Variants in METTL16 observed in about 807,000 individuals in gnomAD.
The protein encoded by METTL16 is methyltransferase 16, RNA N6-adenosine.
Under a neutral mutation model 57.9 loss-of-function variants are expected in METTL16, and 19 were observed. The observed-to-expected ratio is 0.33, with a 90% confidence interval of 0.23 to 0.48. The LOEUF (loss-of-function observed/expected upper bound fraction) is 0.48, where lower values mean the gene tolerates loss of function less well. Among genes scored for constraint, METTL16 ranks in the 20% least tolerant of loss-of-function variants. METTL16 has a pLI of 0.99. For synonymous variants in METTL16, 246 were observed against 255.6 expected (o/e 0.96, Z 0.36); for missense variants, 434 against 691.5 (o/e 0.63, Z 4.18).
In METTL16 at chr17:2,477,708, A is replaced by T; in HGVS notation, c.306T>A (p.Thr102=). 6.2e-7 allele frequency: 1 copy of T among 1,613,558 alleles called. No homozygotes were observed. Among genetic ancestry groups the T allele is most frequent in the Non-Finnish European group, 8.5e-7 (1 of 1,179,456 alleles). The change falls in exon 3 of 10, where the codon ACT becomes ACA. Residue 102 remains threonine, a synonymous_variant. Transcript: ENST00000263092. ...TACCTATGTCAATTCCTCTTCGGAG[A>T]GTACTTTTGTCAGAATCCTGGTGAC... ...LIGHQDSDKS[T]LRRGIDIGTG... is the part of the protein sequence containing the mutation.
intron 6 of METTL16, among the ~76,000 whole-genome samples, chr17:2,452,243 C>G (rs750863198): frequency 1.9e-4 from 28 of 151,314 alleles, no homozygotes; most frequent in Non-Finnish European, 3.8e-4. Flanking sequence ...GCCATTGATA[C>G]TTAATAGACA....
At chr17:2,475,734 T>C (rs1025166909) in intron 3 of METTL16, among the ~76,000 whole-genome samples, 1 of 152,224 alleles carries the variant, frequency 6.6e-6, no homozygotes, top group African/African-American at 2.4e-5. Flanking sequence ...AAATGGAAAG[T>C]ACATAATGGT....
chr17:2,505,483 A>C (rs993815546), intron 1 of METTL16, among the ~76,000 whole-genome samples: 3 of 139,086 alleles, frequency 2.2e-5, no homozygotes, highest in African/African-American at 8.1e-5. Flanking sequence ...TCCTGGCCTC[A>C]AGCAATCCTG....
At chr17:2,438,599 T>G (rs560331289) in intron 7 of METTL16, among the ~76,000 whole-genome samples, 1 of 152,236 alleles carries the variant, frequency 6.6e-6, no homozygotes, top group African/African-American at 2.4e-5. Flanking sequence ...CCTCCCAGAT[T>G]CAAGCAATTC....
At chr17:2,492,332 C>A (rs1322570536) in intron 2 of METTL16, among the ~76,000 whole-genome samples, 1 of 152,112 alleles carries the variant, frequency 6.6e-6, no homozygotes, top group Non-Finnish European at 1.5e-5. Context: ...TGTGAAAAAA[C>A]ACAAACTAAA....
intron 6 of METTL16, among the ~76,000 whole-genome samples, chr17:2,453,390 A>G (rs866435766): frequency 3.3e-5 from 5 of 152,100 alleles, no homozygotes; most frequent in Middle Eastern, 6.8e-3. Flanking sequence ...TACTCTCATG[A>G]CCTTAATGTT....
chr17:2,511,819 T>G lies in METTL16; in HGVS notation c.-61A>C, dbSNP rs1432691806. 2.5e-6 allele frequency: 1 copy of G among 398,436 alleles called. No individual in the cohort carries two copies. The highest frequency in any genetic ancestry group is 4.4e-5 in the Admixed American group (1 of 22,702). The allele number at this position is 398,436 out of a possible 1,614,324, so 24.7% of individuals were successfully genotyped here. ...GGCGTGGGCCTGTACAACCCTAGAA[T>G]CTTAAAGCAGCCGCATAGCGAAGCT... On this transcript the variant is annotated 5_prime_UTR_variant, in exon 1 of 10. Coordinates refer to ENST00000263092, the MANE Select transcript of METTL16 (RefSeq NM_024086.4).
At chr17:2,502,672 G>T (rs568781218) in intron 1 of METTL16, among the ~76,000 whole-genome samples, 2 of 151,730 alleles carry the variant, frequency 1.3e-5, no homozygotes, top group South Asian at 2.1e-4. Flanking sequence ...TGGGCAACAA[G>T]AGCGAAACTC....
intron 1 of METTL16, among the ~76,000 whole-genome samples, chr17:2,510,882 C>T (rs1251948116): frequency 2.6e-5 from 4 of 152,062 alleles, no homozygotes; most frequent in African/African-American, 9.7e-5. Flanking sequence ...CAGGCTCTAG[C>T]TTCAATTTTC....
intron 2 of METTL16, among the ~76,000 whole-genome samples, chr17:2,500,162 T>G (rs1177122981): frequency 6.6e-6 from 1 of 152,238 alleles, no homozygotes; most frequent in Non-Finnish European, 1.5e-5. Flanking sequence ...TATCTTGGCT[T>G]CCAGGTTAAG....
At chr17:2,455,931 C>T (rs867810666) in intron 6 of METTL16, among the ~76,000 whole-genome samples, 3 of 151,846 alleles carry the variant, frequency 2.0e-5, no homozygotes, top group African/African-American at 4.8e-5. Flanking sequence ...TGCAGTGAGC[C>T]GTGATCATGC....
chr17:2,471,471 C>G (rs770961634), intron 4 of METTL16, among the ~76,000 whole-genome samples: 1 of 152,172 alleles, frequency 6.6e-6, no homozygotes, highest in Non-Finnish European at 1.5e-5. Context: ...ATAATACCAA[C>G]AGTACTGTAT....
intron 6 of METTL16, among the ~76,000 whole-genome samples, chr17:2,457,254 C>T (rs1039158613): frequency 2.9e-4 from 40 of 139,736 alleles, no homozygotes; most frequent in East Asian, 4.4e-4. Context: ...AGGAGAATGG[C>T]GTGAACCTGG....
At chr17:2,432,151 C>T (rs992143719) in intron 8 of METTL16, among the ~76,000 whole-genome samples, 1 of 152,108 alleles carries the variant, frequency 6.6e-6, no homozygotes, top group South Asian at 2.1e-4. Flanking sequence ...AAGGTTTCAC[C>T]GTGTTAGCCA....
chr17:2,417,077 T>A lies in METTL16; in HGVS notation c.*2893A>T, dbSNP rs896999871. ...GGGTTCCTTTTTTTTTTTTTTTTTT[T>A]TTTTTTTTGAGACAGTCCCACTTTG... is the stretch of plus-strand genomic sequence containing the variant. On this transcript the variant is annotated 3_prime_UTR_variant, in exon 10 of 10. Transcript: ENST00000263092. The A allele has an allele frequency of 1.5e-5, 2 of 132,086 alleles. No homozygotes were observed. The highest frequency in any genetic ancestry group is 5.9e-5 in the African/African-American group (2 of 34,002). 8.2% of individuals were successfully genotyped at this position (132,086 alleles called of 1,614,324 possible).
At chr17:2,465,331 C>T (rs2067184279) in intron 5 of METTL16, among the ~76,000 whole-genome samples, 1 of 150,952 alleles carries the variant, frequency 6.6e-6, no homozygotes, top group South Asian at 2.1e-4. Context: ...ATCACGAGGT[C>T]AGGAGATTGA....
intron 2 of METTL16, among the ~76,000 whole-genome samples, chr17:2,487,115 A>G (rs540661459): frequency 6.6e-6 from 1 of 151,866 alleles, no homozygotes; most frequent in East Asian, 1.9e-4. Flanking sequence ...TGTGAGATTT[A>G]GCAACGAAAT....
chr17:2,448,800 TTTAAAAAA>T (rs1433787849), intron 6 of METTL16, among the ~76,000 whole-genome samples: 10 of 64,288 alleles, frequency 1.6e-4, no homozygotes, highest in African/African-American at 7.1e-4. Flanking sequence ...AAAAATAAAA[TTTAAAAAA>T]AAAAAAAAAA....
intron 4 of METTL16, among the ~76,000 whole-genome samples, chr17:2,471,070 A>T (rs1279982939): frequency 2.6e-5 from 4 of 152,216 alleles, no homozygotes; most frequent in Non-Finnish European, 5.9e-5. Flanking sequence ...CTGGCACATC[A>T]CTTGGACATC....
Sources: allele counts gnomAD v4.1 joint callset (sites outside exome capture counted in the v4.1 genomes callset), GRCh38; gene constraint gnomAD v4.1.1; transcripts MANE v1.5; gene names NCBI Gene and HGNC (gene_info 2026-07-23, HGNC 2026-07-21).